The following CDK12 variants were observed in gnomAD, a reference collection of about 807,000 sequenced individuals.
The protein encoded by CDK12 is cyclin dependent kinase 12, also known as cyclin-dependent kinase 12.
CDK12 carries 17 observed loss-of-function variants against 133.8 expected under a neutral mutation model. The observed-to-expected ratio is 0.13, with a 90% CI of 0.09 to 0.19. The LOEUF (loss-of-function observed/expected upper bound fraction) is 0.19. Ranked by LOEUF, CDK12 falls within the 10% of genes least tolerant of loss-of-function variation. CDK12 has a pLI of 1.00. For synonymous variants in CDK12, 694 were observed against 683.6 expected (o/e 1.02, Z -0.24); for missense variants, 1,508 against 1,818.7 (o/e 0.83, Z 3.11).
chr17:39,546,793 A>G (rs1000437861), upstream of CDK12: 1 of 151,862 alleles, frequency 6.6e-6, no homozygotes, highest in Non-Finnish European at 1.5e-5. Context: ...ATCAACCCCA[A>G]ACAGGGTTAT....
At chr17:39,479,432 G>T (rs1047418021) in intron 2 of CDK12, among the ~76,000 whole-genome samples, 5 of 151,894 alleles carry the variant, frequency 3.3e-5, no homozygotes, top group African/African-American at 1.2e-4. Context: ...ATCATTTTTA[G>T]TATGTTGTGG....
At chr17:39,529,569 C>T (rs576206237) in intron 13 of CDK12, among the ~76,000 whole-genome samples, 25 of 152,038 alleles carry the variant, frequency 1.6e-4, no homozygotes, top group Non-Finnish European at 2.9e-4. Flanking sequence ...ATTGTTCTAC[C>T]ATACTTCTGT....
intron 6 of CDK12, among the ~76,000 whole-genome samples, chr17:39,506,657 T>C (rs1334100969): frequency 6.6e-6 from 1 of 152,064 alleles, no homozygotes; most frequent in Non-Finnish European, 1.5e-5. Context: ...AATAGTTTGG[T>C]TAATTAACCA....
chr17:39,560,935 C>T (rs1405099303), intron 3 of CDK12, among the ~76,000 whole-genome samples: 1 of 152,040 alleles, frequency 6.6e-6, no homozygotes, highest in Non-Finnish European at 1.5e-5. Context: ...GAATCGCCTC[C>T]ACCAGGGGGT....
rs575283835 is a variant in CDK12 at position 39,472,605 on chromosome 17, T to C, written c.1931+842T>C. Among the ~76,000 whole-genome samples the C allele has an allele frequency of 4.0e-5, 6 of 151,030 alleles. No individual in the cohort carries two copies. The South Asian group carries it at 1.3e-3, about 32-fold the overall frequency. On this transcript the variant is annotated intron_variant, in intron 2 of 13. Coordinates refer to ENST00000447079, the MANE Select transcript of CDK12 (RefSeq NM_016507.4). Reference sequence around the variant, plus strand: ...AGGAGAATTGCTTGAACCCAGGATATGGAGGTTGCAGCGAGCCAAGATTGC... The same window carrying C: ...AGGAGAATTGCTTGAACCCAGGATACGGAGGTTGCAGCGAGCCAAGATTGC...
At chr17:39,479,079 C>T (rs1401782481) in intron 2 of CDK12, among the ~76,000 whole-genome samples, 1 of 151,870 alleles carries the variant, frequency 6.6e-6, no homozygotes, top group Non-Finnish European at 1.5e-5. Context: ...AAGGCTGAGG[C>T]GGGCAGATCA....
intron 2 of CDK12, among the ~76,000 whole-genome samples, chr17:39,487,588 T>G (rs1042758406): frequency 6.6e-6 from 1 of 151,148 alleles, no homozygotes; most frequent in Non-Finnish European, 1.5e-5. Flanking sequence ...TTATTTTTTC[T>G]GAGGATGTGC....
At chr17:39,525,425 C>A (rs2054437449) in intron 12 of CDK12, among the ~76,000 whole-genome samples, 2 of 152,212 alleles carry the variant, frequency 1.3e-5, no homozygotes, top group Non-Finnish European at 2.9e-5. Context: ...ACTTTCCCCT[C>A]TTCACTTATA....
intron 2 of CDK12, among the ~76,000 whole-genome samples, chr17:39,482,093 A>T (rs1165067873): frequency 6.9e-6 from 1 of 144,108 alleles, no homozygotes; most frequent in Non-Finnish European, 1.5e-5. Context: ...CACTCACTGC[A>T]ACCTCCACCT....
In CDK12 at chr17:39,476,720, T is replaced by A. The variant is rs1468751863; in HGVS notation, c.1931+4957T>A. 2.2e-4 allele frequency among the ~76,000 whole-genome samples: 24 copies of A among 110,122 alleles called. 4 individuals carry two copies. The highest frequency in any genetic ancestry group is 1.0e-3 in the South Asian group (3 of 3,002). The allele number at this position is 110,122 out of a possible 152,430, so 72.2% of individuals were successfully genotyped here. A position where few individuals can be genotyped will look rare whatever the true frequency, so the allele number is the denominator to read the frequency against. Reference sequence around the variant, plus strand: ...GAGCCACCATGCCTGCCTTTTTTTTTTTTTTTTTTTTTTTTTTTTTGAGAC... The same window carrying A: ...GAGCCACCATGCCTGCCTTTTTTTTATTTTTTTTTTTTTTTTTTTTGAGAC... On this transcript the variant is annotated intron_variant, in intron 2 of 13. Coordinates refer to ENST00000447079, the MANE Select transcript of CDK12 (RefSeq NM_016507.4).
Position 39,513,732 on chromosome 17 carries a change from G to C in CDK12, c.2769-1999G>C, listed in dbSNP as rs528765451. ...TGGAAATTAAAACTACATAAAGTTA[G>C]ACATTCTTCAAAGCCCAGTGGCTCA... On this transcript the variant is annotated intron_variant, in intron 8 of 13. Transcript: ENST00000447079. 1.2e-4 allele frequency among the ~76,000 whole-genome samples: 19 copies of C among 152,316 alleles called. 1 individual carries two copies. Among genetic ancestry groups the C allele is most frequent in the African/African-American group, 4.6e-4 (19 of 41,570 alleles).
At chr17:39,478,711 G>A (rs1284356736) in intron 2 of CDK12, among the ~76,000 whole-genome samples, 1 of 152,102 alleles carries the variant, frequency 6.6e-6, no homozygotes, top group African/African-American at 2.4e-5. Flanking sequence ...TGTGGTCTGA[G>A]CTACTTGGGA....
chr17:39,494,246 G>A (rs1161507784), intron 4 of CDK12, among the ~76,000 whole-genome samples: 1 of 151,934 alleles, frequency 6.6e-6, no homozygotes, highest in Non-Finnish European at 1.5e-5. Flanking sequence ...GCTAATTTTT[G>A]TATTTTAATA....
chr17:39,476,816 A>C (rs2050250147), intron 2 of CDK12, among the ~76,000 whole-genome samples: 2 of 137,318 alleles, frequency 1.5e-5, no homozygotes, highest in Non-Finnish European at 3.1e-5. Flanking sequence ...CCGCCTCCCA[A>C]GTTCAAGCGA....
chr17:39,462,736 G>C lies in CDK12; in HGVS notation c.665G>C (p.Ser222Thr), dbSNP rs756002719. The change falls in exon 1 of 14, where the codon AGC becomes ACC. Residue 222 changes from serine to threonine, a missense_variant. By Grantham distance (58) the Ser-to-Thr change is moderately conservative. Transcript: ENST00000447079. ...TVDSPKRRSR[S>T]PHRKWSDSSK... ...GACAGCCCAAAACGGAGATCCAGGA[G>C]CCCCCACAGGAAGTGGTCTGACAGC... 6.2e-7 allele frequency: 1 copy of C among 1,614,016 alleles called. No homozygotes were observed. The highest frequency in any genetic ancestry group is 8.5e-7 in the Non-Finnish European group (1 of 1,180,032).
chr17:39,518,539 T>C (rs2053959925), intron 10 of CDK12, among the ~76,000 whole-genome samples: 1 of 152,076 alleles, frequency 6.6e-6, no homozygotes, highest in Admixed American at 6.5e-5. Context: ...TCTGTTATTT[T>C]ATTTTACTTT....
At chr17:39,566,605 C>T (rs549819220), downstream of CDK12, among the ~76,000 whole-genome samples, 5 of 152,266 alleles carry the variant, frequency 3.3e-5, no homozygotes, top group South Asian at 4.1e-4. Context: ...TCTTCCAACC[C>T]GAGCCTTCTG....
intron 3 of CDK12, among the ~76,000 whole-genome samples, chr17:39,492,075 T>G (rs893602139): frequency 1.1e-4 from 16 of 150,878 alleles, no homozygotes; most frequent in African/African-American, 3.9e-4. Flanking sequence ...TCCTTTTTTC[T>G]TTGACTCGAT....
chr17:39,485,247 C>T (rs1328798514), intron 2 of CDK12, among the ~76,000 whole-genome samples: 2 of 150,738 alleles, frequency 1.3e-5, no homozygotes, highest in Non-Finnish European at 2.9e-5. Flanking sequence ...TGTATTAGTA[C>T]TTTATTTGAG....
Sources: gnomAD v4.1 joint callset for allele counts (sites outside exome capture counted in the v4.1 genomes callset) on GRCh38, gnomAD v4.1.1 for gene constraint, MANE v1.5 for transcripts, NCBI Gene and HGNC (gene_info 2026-07-23, HGNC 2026-07-21) for gene names.